Variants in NALF1 observed in about 807,000 individuals in gnomAD.
NALF1 encodes the protein NALCN channel auxiliary factor 1.
Under a neutral mutation model 48.4 loss-of-function variants are expected in NALF1, and 3 were observed. That is an observed-to-expected ratio of 0.06 (90% CI 0.03 to 0.16). The LOEUF (loss-of-function observed/expected upper bound fraction) is 0.16. NALF1 is among the 10% of genes least tolerant of loss of function. NALF1 has a pLI of 1.00. For synonymous variants in NALF1, 262 were observed against 245.7 expected (o/e 1.07, Z -0.62); for missense variants, 526 against 571.5 (o/e 0.92, Z 0.81).
At chr13:107,465,078 T>C (rs189495342) in intron 1 of NALF1, among the ~76,000 whole-genome samples, 19 of 152,222 alleles carry the variant, frequency 1.2e-4, no homozygotes, top group Admixed American at 7.8e-4. Flanking sequence ...ACTTTTAACA[T>C]TTATATGTTT....
chr13:107,419,754 GA>G (rs1237879553), intron 1 of NALF1, among the ~76,000 whole-genome samples: 2 of 152,176 alleles, frequency 1.3e-5, no homozygotes, highest in Non-Finnish European at 2.9e-5. Flanking sequence ...AAATATTGTA[GA>G]GGTAATCTAA....
intron 1 of NALF1, among the ~76,000 whole-genome samples, chr13:107,606,365 TTATA>T (rs780660921): frequency 1.3e-5 from 2 of 150,284 alleles, no homozygotes; most frequent in African/African-American, 2.4e-5. Context: ...TCTTATTTAT[TTATA>T]TATATATATA....
intron 1 of NALF1, among the ~76,000 whole-genome samples, chr13:107,596,170 A>C (rs1878740443): frequency 6.6e-6 from 1 of 152,146 alleles, no homozygotes; most frequent in Non-Finnish European, 1.5e-5. Flanking sequence ...GGTCTCTGTC[A>C]ATCTCAGGAA....
chr13:107,421,644 C>T (rs1192876586), intron 1 of NALF1, among the ~76,000 whole-genome samples: 2 of 151,960 alleles, frequency 1.3e-5, no homozygotes, highest in South Asian at 2.1e-4. Context: ...GGTAGTTATG[C>T]TCTGATTTTA....
chr13:107,337,211 A>G (rs1882577707), intron 1 of NALF1, among the ~76,000 whole-genome samples: 2 of 152,096 alleles, frequency 1.3e-5, no homozygotes, highest in South Asian at 4.1e-4. Flanking sequence ...AAGGTCTGAT[A>G]TTGATTTCCA....
intron 1 of NALF1, among the ~76,000 whole-genome samples, chr13:107,548,018 TTA>T (rs1877180207): frequency 6.6e-6 from 1 of 152,062 alleles, no homozygotes; most frequent in African/African-American, 2.4e-5. Context: ...TGCAGGTTTG[TTA>T]TATAGGTGAA....
At chr13:107,580,803 A>G (rs1220096613) in intron 1 of NALF1, among the ~76,000 whole-genome samples, 1 of 152,224 alleles carries the variant, frequency 6.6e-6, no homozygotes, top group African/African-American at 2.4e-5. Context: ...TAAACATTTT[A>G]ACAACAGTGG....
intron 1 of NALF1, among the ~76,000 whole-genome samples, chr13:107,329,879 T>C (rs1018780389): frequency 1.3e-5 from 2 of 152,120 alleles, no homozygotes; most frequent in East Asian, 1.9e-4. Context: ...GAGAAAGAAA[T>C]TGTCCTTACA....
At chr13:107,266,099 G>A (rs894458121) in intron 1 of NALF1, among the ~76,000 whole-genome samples, 8 of 152,156 alleles carry the variant, frequency 5.3e-5, no homozygotes, top group Non-Finnish European at 8.8e-5. Flanking sequence ...CAAAAGGCAA[G>A]GTTCAGCAAT....
chr13:107,538,008 C>A (rs989681180), intron 1 of NALF1, among the ~76,000 whole-genome samples: 2 of 152,004 alleles, frequency 1.3e-5, no homozygotes, highest in African/African-American at 4.8e-5. Context: ...TAAAGTGACA[C>A]CCCATCTCAA....
intron 1 of NALF1, among the ~76,000 whole-genome samples, chr13:107,658,375 C>T (rs1008160192): frequency 4.6e-5 from 7 of 152,024 alleles, no homozygotes; most frequent in African/African-American, 1.2e-4. Flanking sequence ...TCTTCATCTC[C>T]GTCCCTGCTT....
At chr13:107,517,198 A>C (rs1306456408) in intron 1 of NALF1, among the ~76,000 whole-genome samples, 1 of 152,216 alleles carries the variant, frequency 6.6e-6, no homozygotes, top group Non-Finnish European at 1.5e-5. Flanking sequence ...TTGAAAATAG[A>C]GTTTAAAATA....
chr13:107,855,716 T>G (rs1338819798), intron 1 of NALF1, among the ~76,000 whole-genome samples: 1 of 152,220 alleles, frequency 6.6e-6, no homozygotes, highest in Non-Finnish European at 1.5e-5. Flanking sequence ...GTTCCTGGGT[T>G]TGAATTCTGG....
At chr13:107,508,308 T>C (rs1299053992) in intron 1 of NALF1, among the ~76,000 whole-genome samples, 2 of 151,702 alleles carry the variant, frequency 1.3e-5, no homozygotes, top group Non-Finnish European at 2.9e-5. Flanking sequence ...AACTTATTAA[T>C]ATTTGATATA....
At chr13:107,710,392 G>C (rs1875531511) in intron 1 of NALF1, among the ~76,000 whole-genome samples, 1 of 151,480 alleles carries the variant, frequency 6.6e-6, no homozygotes, top group Non-Finnish European at 1.5e-5. Flanking sequence ...CAGGAGACCA[G>C]GTGTTCTGGA....
chr13:107,840,816 C>A (rs1262535037), intron 1 of NALF1, among the ~76,000 whole-genome samples: 1 of 152,070 alleles, frequency 6.6e-6, no homozygotes, highest in Non-Finnish European at 1.5e-5. Flanking sequence ...TCTTTCTAGT[C>A]TCTGGGTTTT....
intron 1 of NALF1, among the ~76,000 whole-genome samples, chr13:107,532,622 A>C (rs779319871): frequency 6.6e-6 from 1 of 152,110 alleles, no homozygotes; most frequent in Admixed American, 6.6e-5. Context: ...TGAAGTTTTT[A>C]TATACTCATA....
Position 107,866,104 on chromosome 13 carries a change from C to A in NALF1, c.493G>T (p.Val165Leu), listed in dbSNP as rs544196360. ...GGGTAACAAGTCTCCAGGCGCCACACGGGCTTGGCAGAGTTTCCTAGAAAA... is the reference window on the plus strand; with the variant it reads ...GGGTAACAAGTCTCCAGGCGCCACAAGGGCTTGGCAGAGTTTCCTAGAAAA... ...ALFLGNSAKP[V>L]WRLETCYPQG... Residue 165 changes from valine to leucine, a missense_variant, in exon 1 of 3, where the codon GTG (valine) becomes TTG (leucine). Coordinates refer to ENST00000375915, the MANE Select transcript of NALF1 (RefSeq NM_001080396.3). This position sits in a 1 kb window ranked among gnomAD's most constrained non-coding sequence, Gnocchi z 4.4. The A allele has an allele frequency of 1.2e-6, 2 of 1,612,760 alleles. No individual in the cohort carries two copies. Among genetic ancestry groups the A allele is most frequent in the Admixed American group, 1.7e-5 (1 of 59,996 alleles).
At chr13:107,369,936 A>G (rs1370316249) in intron 1 of NALF1, among the ~76,000 whole-genome samples, 1 of 152,232 alleles carries the variant, frequency 6.6e-6, no homozygotes, top group African/African-American at 2.4e-5. Context: ...AAGGAGAAAT[A>G]GAAAATATAA....
Sources: allele counts gnomAD v4.1 joint callset (sites outside exome capture counted in the v4.1 genomes callset), GRCh38; gene constraint gnomAD v4.1.1; non-coding constraint Gnocchi (gnomAD v3.1); transcripts MANE v1.5; gene names NCBI Gene and HGNC (gene_info 2026-07-23, HGNC 2026-07-21).